DACH2: variants seen among roughly 807,000 people sequenced by gnomAD.
DACH2 encodes the protein dachshund homolog 2.
A neutral mutation model predicts 35.8 loss-of-function variants in DACH2; 17 were observed. The observed-to-expected ratio is 0.48, with a 90% CI of 0.33 to 0.71. The LOEUF is 0.71. Ranked by LOEUF, DACH2 falls within the 30% of genes least tolerant of loss-of-function variation. The pLI is 0.02. For synonymous variants in DACH2, 195 were observed against 177.3 expected (o/e 1.10, Z -0.79); for missense variants, 469 against 472.7 (o/e 0.99, Z 0.07).
intron 1 of DACH2, chrX:86,160,486 C>A (rs2030714826): frequency 1.9e-6 from 1 of 535,760 alleles, no homozygotes; most frequent in African/African-American, 2.2e-5. Context: ...GGTGATCAAT[C>A]TTTTCCTTCA....
chrX:86,360,485 G>T (rs1397407530), intron 1 of DACH2, among the ~76,000 whole-genome samples: 1 of 111,259 alleles, frequency 9.0e-6, no homozygotes, highest in Non-Finnish European at 1.9e-5. Context: ...AGAAAATAAG[G>T]TCATTGAATT....
At chrX:86,785,072 C>T (rs185800447) in intron 7 of DACH2, among the ~76,000 whole-genome samples, 2 of 110,506 alleles carry the variant, frequency 1.8e-5, no homozygotes, top group Non-Finnish European at 3.8e-5. Flanking sequence ...CTCCAAACCC[C>T]CATGACATGC....
intron 2 of DACH2, among the ~76,000 whole-genome samples, chrX:86,472,576 G>A (rs1464418291): frequency 1.8e-5 from 2 of 111,915 alleles, no homozygotes; most frequent in Non-Finnish European, 3.8e-5. Flanking sequence ...TTAGCTATAG[G>A]ACGCTTCTGT....
chrX:86,305,636 C>T (rs372111231), intron 1 of DACH2, among the ~76,000 whole-genome samples: 5 of 109,038 alleles, frequency 4.6e-5, no homozygotes, highest in African/African-American at 1.7e-4. Context: ...AGTGAAGAGA[C>T]AACATATAGA....
At chrX:86,680,969 C>T (rs1015454291) in intron 4 of DACH2, among the ~76,000 whole-genome samples, 1 of 110,869 alleles carries the variant, frequency 9.0e-6, no homozygotes, top group African/African-American at 3.3e-5. Context: ...TTTCTAACAT[C>T]AGTAGACAGG....
intron 2 of DACH2, among the ~76,000 whole-genome samples, chrX:86,416,611 A>G (rs948027217): frequency 9.0e-6 from 1 of 111,433 alleles, no homozygotes; most frequent in African/African-American, 3.3e-5. Context: ...GCTAGAAAGG[A>G]ATACTTGAGA....
intron 11 of DACH2, chrX:86,829,799 C>A (rs2042596155): frequency 8.9e-6 from 1 of 111,940 alleles, no homozygotes; most frequent in African/African-American, 3.2e-5. Context: ...CCCCTTTTTA[C>A]CTATCTGATA....
chrX:86,750,082 T>C (rs1313888278), intron 7 of DACH2, among the ~76,000 whole-genome samples: 2 of 111,379 alleles, frequency 1.8e-5, no homozygotes, highest in Admixed American at 9.6e-5. Flanking sequence ...ATATGCCTTT[T>C]ATTTCTATTT....
intron 4 of DACH2, among the ~76,000 whole-genome samples, chrX:86,667,683 A>G (rs969373353): frequency 3.6e-5 from 4 of 111,610 alleles, no homozygotes; most frequent in Non-Finnish European, 5.7e-5. Flanking sequence ...GATGTAATAT[A>G]TTAGATTTGT....
At chrX:86,794,651 G>C (rs1355833916) in intron 7 of DACH2, among the ~76,000 whole-genome samples, 4 of 111,667 alleles carry the variant, frequency 3.6e-5, no homozygotes, top group African/African-American at 1.3e-4. Context: ...ATCAATAGTA[G>C]AATTTTGCTA....
At chrX:86,483,165 A>T (rs2037968206) in intron 2 of DACH2, among the ~76,000 whole-genome samples, 2 of 110,551 alleles carry the variant, frequency 1.8e-5, no homozygotes, top group Admixed American at 1.9e-4. Context: ...GCATAAAAAA[A>T]AAAAAGAAAA....
intron 1 of DACH2, among the ~76,000 whole-genome samples, chrX:86,164,237 T>G (rs2030864872): frequency 8.9e-6 from 1 of 112,028 alleles, no homozygotes; most frequent in African/African-American, 3.2e-5. Flanking sequence ...TGTCTTCTTT[T>G]GAAAAGTGTC....
intron 1 of DACH2, among the ~76,000 whole-genome samples, chrX:86,243,524 A>G (rs1303031515): frequency 9.0e-6 from 1 of 111,509 alleles, no homozygotes; most frequent in Non-Finnish European, 1.9e-5. Flanking sequence ...TCTGGTCATT[A>G]CCTGTGTAAG....
intron 1 of DACH2, among the ~76,000 whole-genome samples, chrX:86,327,667 G>A (rs1425383295): frequency 8.9e-6 from 1 of 111,918 alleles, no homozygotes; most frequent in East Asian, 2.8e-4. Context: ...TTAGGTTTAA[G>A]AGACATAAGG....
chrX:86,792,902 C>A (rs1178202635), intron 7 of DACH2, among the ~76,000 whole-genome samples: 1 of 111,517 alleles, frequency 9.0e-6, no homozygotes, highest in African/African-American at 3.3e-5. Context: ...TAGTAGGATT[C>A]TTGGATCATA....
At chrX:86,807,884 G>A (rs1346528477) in intron 7 of DACH2, among the ~76,000 whole-genome samples, 1 of 112,031 alleles carries the variant, frequency 8.9e-6, no homozygotes, top group Non-Finnish European at 1.9e-5. Context: ...TAGCTTTAAG[G>A]AAAATTGTTA....
chrX:86,804,630 T>C (rs917733078), intron 7 of DACH2, among the ~76,000 whole-genome samples: 1 of 112,301 alleles, frequency 8.9e-6, no homozygotes, highest in Admixed American at 9.4e-5. Context: ...GGCTAGTCCC[T>C]TCTGCCTATG....
At chrX:86,752,082 CAGA>C (rs1171726511) in intron 7 of DACH2, among the ~76,000 whole-genome samples, 3 of 111,107 alleles carry the variant, frequency 2.7e-5, no homozygotes, top group South Asian at 3.8e-4. Flanking sequence ...AGGGGGTGGG[CAGA>C]AGAACAGTCT....
chrX:86,800,643 C>A (rs1439404258), intron 7 of DACH2, among the ~76,000 whole-genome samples: 1 of 111,325 alleles, frequency 9.0e-6, no homozygotes, highest in Non-Finnish European at 1.9e-5. Flanking sequence ...AGGTGAGAAG[C>A]AACAGCTTTT....
Sources: allele counts gnomAD v4.1 joint callset (sites outside exome capture counted in the v4.1 genomes callset), GRCh38; gene constraint gnomAD v4.1.1; transcripts MANE v1.5; gene names NCBI Gene and HGNC (gene_info 2026-07-23, HGNC 2026-07-21).